The following RGN variants were observed in gnomAD, a reference collection of about 807,000 sequenced individuals.
The protein encoded by RGN is epididymis secretory protein Li 41.
A neutral mutation model predicts 20.6 loss-of-function variants in RGN; 19 were observed. The ratio of observed to expected loss-of-function variants is 0.92; its 90% CI spans 0.64 to 1.35. The LOEUF is 1.35. Among genes scored for constraint, RGN ranks in the 40% most tolerant of loss-of-function variants. The pLI is 0.00. For synonymous variants in RGN, 85 were observed against 87.2 expected (o/e 0.97, Z 0.14); for missense variants, 302 against 232.7 (o/e 1.30, Z -1.94).
intron 7 of RGN, 132 bp from the exon 8 acceptor site, chrX:47,092,765 T>C: frequency 1.9e-6 from 1 of 528,106 alleles, no homozygotes. Flanking sequence ...AGTCAGGTAA[T>C]TCCTTTTTAT....
At chrX:47,082,592 T>C (rs1930388553) in intron 3 of RGN, among the ~76,000 whole-genome samples, 1 of 111,205 alleles carries the variant, frequency 9.0e-6, no homozygotes, top group Non-Finnish European at 1.9e-5. Flanking sequence ...AGATTACAGG[T>C]GTGGGCCACC....
chrX:47,078,846 G>A (rs139078395), intron 1 of RGN, 137 bp downstream of exon 1: 10,502 of 109,747 alleles, frequency 0.096, 420 homozygotes, highest in South Asian at 0.36. Context: ...CTACTAGGGA[G>A]CATGGGGTTA....
In RGN at chrX:47,081,355, G is replaced by A. The variant is rs199942482; in HGVS notation, c.163+48G>A. ...GATCAGCCAGCTACCTTTTCCCAGGGGAGGGGCGGTCACCACGGCACCCTT... is the reference window on the plus strand; with the variant it reads ...GATCAGCCAGCTACCTTTTCCCAGGAGAGGGGCGGTCACCACGGCACCCTT... On this transcript the variant is annotated intron_variant, in intron 3 of 7. Transcript: ENST00000397180. 3.9e-5 allele frequency: 44 copies of A among 1,132,000 alleles called. No homozygotes were observed. In the African/African-American group the frequency reaches 7.3e-4, roughly 19 times the overall value. 93.3% of individuals were successfully genotyped at this position (1,132,000 alleles called of 1,213,427 possible). A position where few individuals can be genotyped will look rare whatever the true frequency, so the allele number is the denominator to read the frequency against.
chrX:47,087,466 T>A (rs1171416266), intron 4 of RGN: 1 of 112,008 alleles, frequency 8.9e-6, no homozygotes, highest in African/African-American at 3.2e-5. Flanking sequence ...CTGGTGAAAT[T>A]GATTTTCTCT....
In RGN at chrX:47,084,546, A is replaced by G. The variant is rs1556383290; in HGVS notation, c.292A>G (p.Lys98Glu). ...CTTGGCCACGGTGGATAACGACAAG[A>G]AAAACAATCGCTTCAATGATGGGAA... ...VVLATVDNDK[K>E]NNRFNDGKVD... The change falls in exon 4 of 8, where the codon AAA (lysine) becomes GAA (glutamate). Residue 98 changes from lysine (K) to glutamate (E), a missense_variant. Lys to Glu is a moderately conservative substitution (Grantham distance 56). Transcript: ENST00000397180. The G allele has an allele frequency of 2.5e-6, 3 of 1,202,447 alleles. No individual in the cohort carries two copies. The highest frequency in any genetic ancestry group is 3.4e-6 in the Non-Finnish European group (3 of 890,291).
At chrX:47,091,448 T>C (rs1323894468) in intron 5 of RGN, among the ~76,000 whole-genome samples, 1 of 111,849 alleles carries the variant, frequency 8.9e-6, no homozygotes, top group Non-Finnish European at 1.9e-5. Context: ...TTCTGCTTTC[T>C]TTTTTCTCTC....
At chrX:47,085,654 T>TA (rs201886978) in intron 4 of RGN, among the ~76,000 whole-genome samples, 4,605 of 108,262 alleles carry the variant, frequency 0.043, 241 homozygotes, top group African/African-American at 0.14. Flanking sequence ...GTCCTTTATT[T>TA]AAAAAAAAAA....
At chrX:47,083,290 T>C (rs2147010858) in intron 3 of RGN, among the ~76,000 whole-genome samples, 1 of 108,218 alleles carries the variant, frequency 9.2e-6, no homozygotes, top group Non-Finnish European at 1.9e-5. Flanking sequence ...TCCCAGCTAC[T>C]AGGGAGGCTG....
Position 47,080,897 on chromosome X carries a change from T to G in RGN, c.-55T>G, listed in dbSNP as rs531529126. 1 of 332,456 alleles carries G rather than the reference T, an allele frequency of 3.0e-6. No individual in the cohort carries two copies. Among genetic ancestry groups the G allele is most frequent in the African/African-American group, 2.6e-5 (1 of 38,134 alleles). The allele number at this position is 332,456 out of a possible 1,213,427, so 27.4% of individuals were successfully genotyped here. The stretch of plus-strand genomic sequence containing the variant: ...AGTGGAGGTCAGAGTGTCACTTTTT[T>G]GTTTTCTTTTTGAAAGATCATTCGA... On this transcript the variant is annotated 5_prime_UTR_variant, in exon 2 of 8. Coordinates refer to ENST00000397180, the MANE Select transcript of RGN (RefSeq NM_152869.4).
chrX:47,089,784 G>A lies in RGN; in HGVS notation c.355G>A (p.Ala119Thr), dbSNP rs1556386484. 8.3e-7 allele frequency: 1 copy of A among 1,204,574 alleles called. No homozygotes were observed. Among genetic ancestry groups the A allele is most frequent in the Admixed American group, 2.2e-5 (1 of 44,982 alleles). The change falls in exon 5 of 8, where the codon GCT becomes ACT. Residue 119 changes from alanine (A) to threonine (T), a missense_variant. By Grantham distance (58) the Ala-to-Thr change is moderately conservative. Transcript: ENST00000397180. ...PAGRYFAGTM[A>T]EETAPAVLER... The stretch of plus-strand genomic sequence containing the variant: ...CTCTTTGGTTTTTGTAGGCACCATG[G>A]CTGAGGAAACAGCTCCAGCAGTTCT...
chrX:47,091,438 T>C (rs1225696624), intron 5 of RGN, among the ~76,000 whole-genome samples: 2 of 111,788 alleles, frequency 1.8e-5, no homozygotes, highest in Non-Finnish European at 3.8e-5. Flanking sequence ...TTAGTAAGAA[T>C]TCTGCTTTCT....
At position 47,092,940 on chromosome X, in the gene RGN, C is replaced by A. The variant is rs782503509; in HGVS notation, c.893C>A (p.Ala298Glu). Residue 298 changes from alanine (A) to glutamate (E), a missense_variant, in exon 8 of 8, where the codon GCG (alanine) becomes GAG (glutamate). Transcript: ENST00000397180. ...AAAGGAATTGCTCCCTACTCCTATG[C>A]GGGATGAGGACAGGTCTTCTTTCCT... ...GVKGIAPYSY[A>E]G The A allele has an allele frequency of 8.3e-7, 1 of 1,201,294 alleles. No homozygotes were observed. The highest frequency in any genetic ancestry group is 3.0e-5 in the East Asian group (1 of 33,790).
chrX:47,083,322 C>G (rs1253895056), intron 3 of RGN, among the ~76,000 whole-genome samples: 2 of 108,429 alleles, frequency 1.8e-5, no homozygotes, highest in African/African-American at 3.4e-5. Context: ...TCCTTTGAAC[C>G]TGGGAGGCGG....
chrX:47,090,915 GGAAAGAAAGAAAGAAAGA>G (rs1930935945), intron 5 of RGN, among the ~76,000 whole-genome samples: 21 of 51,888 alleles, frequency 4.0e-4, no homozygotes, highest in African/African-American at 1.9e-3. Flanking sequence ...GAAAGAAGAA[GGAAAGAAAGAAAGAAAGA>G]AAGAAAGAAA....
intron 4 of RGN, among the ~76,000 whole-genome samples, 178 bp from the exon 5 acceptor site, chrX:47,089,598 T>TACAC (rs200155890): frequency 6.6e-4 from 46 of 69,991 alleles, no homozygotes; most frequent in East Asian, 4.6e-3. Context: ...TATATATATA[T>TACAC]ACACACACAC....
intron 1 of RGN, among the ~76,000 whole-genome samples, 157 bp downstream of exon 1, chrX:47,078,866 A>C (rs1930153487): frequency 9.3e-6 from 1 of 107,460 alleles, no homozygotes; most frequent in East Asian, 3.0e-4. Flanking sequence ...AAAAGTCGCT[A>C]TTGCAAAAGT....
At chrX:47,083,350 G>A (rs782455069) in intron 3 of RGN, among the ~76,000 whole-genome samples, 1 of 107,510 alleles carries the variant, frequency 9.3e-6, no homozygotes. Context: ...AGTGAGTCAA[G>A]ATCACGACAC....
At chrX:47,090,951 A>AGAAAGAAGGAAGGAAG (rs1930969902) in intron 5 of RGN, among the ~76,000 whole-genome samples, 2 of 51,252 alleles carry the variant, frequency 3.9e-5, no homozygotes, top group African/African-American at 1.2e-4. Context: ...AAAGAAAGAA[A>AGAAAGAAGGAAGGAAG]GAAAGAAAGA....
Position 47,081,307 on chromosome X carries a change from G to C in RGN, c.163G>C (p.Asp55His). ...CAAGCAAGTACAGCGAGTGACCATG[G>C]GTAAGGATGAAGGCTGGACTCAGAT... Reference protein sequence around the residue: ...FTKQVQRVTMDAPVSSVALRQ... With the variant: ...FTKQVQRVTMHAPVSSVALRQ... Residue 55 changes from aspartate (D) to histidine (H), a missense_variant and splice_region_variant, in exon 3 of 8, where the codon GAT (aspartate) becomes CAT (histidine). Physicochemically the swap from Asp to His is moderately conservative, Grantham distance 81. Coordinates refer to ENST00000397180, the MANE Select transcript of RGN (RefSeq NM_152869.4). The C allele has an allele frequency of 8.3e-7, 1 of 1,209,625 alleles. No homozygotes were observed. The highest frequency in any genetic ancestry group is 3.0e-5 in the East Asian group (1 of 33,817).
Sources: gnomAD v4.1 joint callset for allele counts (sites outside exome capture counted in the v4.1 genomes callset) on GRCh38, gnomAD v4.1.1 for gene constraint, MANE v1.5 for transcripts, NCBI Gene and HGNC (gene_info 2026-07-23, HGNC 2026-07-21) for gene names.